Variants in PCBD2 observed in about 807,000 individuals in gnomAD.
PCBD2 encodes pterin-4 alpha-carbinolamine dehydratase 2.
A neutral mutation model predicts 16.4 loss-of-function variants in PCBD2; 12 were observed. The observed-to-expected ratio is 0.73, with a 90% CI of 0.47 to 1.19. The LOEUF (loss-of-function observed/expected upper bound fraction) is 1.19, where lower values mean the gene tolerates loss of function less well. Ranked by LOEUF, PCBD2 falls within the 50% of genes most tolerant of loss-of-function variation. PCBD2 has a pLI of 0.00. For synonymous variants in PCBD2, 58 were observed against 61.8 expected (o/e 0.94, Z 0.29); for missense variants, 138 against 156.8 (o/e 0.88, Z 0.64).
At chr5:134,938,036 T>C (rs752307795) in intron 2 of PCBD2, among the ~76,000 whole-genome samples, 17 of 152,176 alleles carry the variant, frequency 1.1e-4, no homozygotes, top group Non-Finnish European at 2.2e-4. Context: ...TGGAATTGCT[T>C]TTGGTGCAGA....
At chr5:134,908,289 G>T (rs1014858718) in intron 1 of PCBD2, among the ~76,000 whole-genome samples, 2 of 151,156 alleles carry the variant, frequency 1.3e-5, no homozygotes, top group African/African-American at 4.9e-5. Flanking sequence ...GGATGGCTGG[G>T]ATTACAGGCG....
intron 2 of PCBD2, among the ~76,000 whole-genome samples, chr5:134,939,870 C>T (rs1388468204): frequency 1.3e-5 from 2 of 152,132 alleles, no homozygotes; most frequent in Non-Finnish European, 2.9e-5. Flanking sequence ...AAAAACCAGC[C>T]CTCTCTTCCT....
At chr5:134,928,236 G>C (rs1580885355) in intron 2 of PCBD2, 1 of 389,186 alleles carries the variant, frequency 2.6e-6, no homozygotes, top group Non-Finnish European at 4.6e-6. Context: ...TCTAGGCATA[G>C]TAGGGAGGAT....
At chr5:134,905,244 T>G (rs1352502579) in intron 1 of PCBD2, 21 bp downstream of exon 1, 3 of 1,215,322 alleles carry the variant, frequency 2.5e-6, no homozygotes, top group South Asian at 4.1e-5. Flanking sequence ...AGCGGCCGCG[T>G]GGGTGGGGGT....
At chr5:134,922,736 C>T (rs1466895808) in intron 2 of PCBD2, among the ~76,000 whole-genome samples, 1 of 150,594 alleles carries the variant, frequency 6.6e-6, no homozygotes, top group Non-Finnish European at 1.5e-5. Flanking sequence ...GATCTGGGCT[C>T]ACTGCAAGCT....
At chr5:134,918,192 G>T (rs1353319620) in intron 2 of PCBD2, among the ~76,000 whole-genome samples, 1 of 152,122 alleles carries the variant, frequency 6.6e-6, no homozygotes, top group African/African-American at 2.4e-5. Context: ...CTGTGGCCTG[G>T]GCATCATATA....
chr5:134,933,255 G>T, intron 2 of PCBD2, among the ~76,000 whole-genome samples: 1 of 151,672 alleles, frequency 6.6e-6, no homozygotes, highest in African/African-American at 2.4e-5. Context: ...TTTGTTTTTT[G>T]AGACAGGGTC....
At chr5:134,946,450 G>A (rs183182809) in intron 2 of PCBD2, among the ~76,000 whole-genome samples, 2 of 152,284 alleles carry the variant, frequency 1.3e-5, no homozygotes, top group Non-Finnish European at 2.9e-5. Context: ...AAGTTCCTCT[G>A]TGGAGTTACC....
chr5:134,929,533 G>A (rs756114981), intron 2 of PCBD2, among the ~76,000 whole-genome samples: 39 of 152,150 alleles, frequency 2.6e-4, no homozygotes, highest in African/African-American at 9.2e-4. Context: ...GTTGGTTTCG[G>A]TGGGTGGGGC....
At chr5:134,926,523 T>C in intron 2 of PCBD2, 1 of 395,344 alleles carries the variant, frequency 2.5e-6, no homozygotes, top group Non-Finnish European at 4.5e-6. Context: ...CTGTTATCCT[T>C]TAAAAGTTGA....
At chr5:134,918,793 T>G (rs1468399592) in intron 2 of PCBD2, among the ~76,000 whole-genome samples, 1 of 152,234 alleles carries the variant, frequency 6.6e-6, no homozygotes, top group Non-Finnish European at 1.5e-5. Flanking sequence ...GTGTTCCCTT[T>G]GGAGTTCTTC....
At chr5:134,930,586 C>T (rs930585490) in intron 2 of PCBD2, among the ~76,000 whole-genome samples, 3 of 152,192 alleles carry the variant, frequency 2.0e-5, no homozygotes, top group African/African-American at 7.2e-5. Context: ...GTTCTGCATG[C>T]AGTACTGAGA....
intron 2 of PCBD2, chr5:134,926,232 G>C (rs1750994195): frequency 6.0e-6 from 2 of 331,582 alleles, no homozygotes; most frequent in African/African-American, 4.3e-5. Flanking sequence ...AGCTTAGGGA[G>C]AGTTGGGTTG....
At chr5:134,915,230 G>T (rs1400797782) in intron 2 of PCBD2, among the ~76,000 whole-genome samples, 1 of 151,786 alleles carries the variant, frequency 6.6e-6, no homozygotes, top group Non-Finnish European at 1.5e-5. Flanking sequence ...GAGGAGAATC[G>T]CTTGAACCTG....
chr5:134,942,822 C>T (rs1751245453), intron 2 of PCBD2, among the ~76,000 whole-genome samples: 1 of 152,144 alleles, frequency 6.6e-6, no homozygotes, highest in Admixed American at 6.5e-5. Context: ...ATACAGCCTG[C>T]TTAAGGTCTG....
chr5:134,957,792 A>C (rs1395042471), intron 2 of PCBD2, among the ~76,000 whole-genome samples: 1 of 152,238 alleles, frequency 6.6e-6, no homozygotes, highest in Non-Finnish European at 1.5e-5. Flanking sequence ...TTGTTTTTCC[A>C]CAGATAATTC....
chr5:134,925,616 C>T (rs575197479), intron 2 of PCBD2: 14 of 397,752 alleles, frequency 3.5e-5, no homozygotes, highest in Non-Finnish European at 5.8e-5. Flanking sequence ...GTGGTGATAG[C>T]GCCTAGGCAT....
intron 2 of PCBD2, among the ~76,000 whole-genome samples, chr5:134,937,835 ACT>A (rs1401554649): frequency 9.2e-5 from 14 of 151,986 alleles, no homozygotes; most frequent in Non-Finnish European, 2.1e-4. Context: ...CCACTGGCAG[ACT>A]CTCAGTTTAT....
Position 134,961,919 on chromosome 5 carries a change from G to A in PCBD2, c.*1238G>A, listed in dbSNP as rs1227895071. Among the ~76,000 whole-genome samples the A allele has an allele frequency of 6.6e-6, 1 of 151,718 alleles. No individual in the cohort carries two copies. Among genetic ancestry groups the A allele is most frequent in the South Asian group, 2.1e-4 (1 of 4,808 alleles). ...TGGGACTATAGGCAAGTGCCACCAC[G>A]CCTGACTAATTTTTAAATTTTTTGT... On this transcript the variant is annotated 3_prime_UTR_variant, in exon 4 of 4. Coordinates refer to ENST00000254908, the MANE Select transcript of PCBD2 (RefSeq NM_032151.5).
Sources: gnomAD v4.1 joint callset for allele counts (sites outside exome capture counted in the v4.1 genomes callset) on GRCh38, gnomAD v4.1.1 for gene constraint, MANE v1.5 for transcripts, NCBI Gene and HGNC (gene_info 2026-07-23, HGNC 2026-07-21) for gene names.